CSMD3: variants seen among roughly 807,000 people sequenced by gnomAD.
CSMD3 encodes CUB and sushi domain-containing protein 3.
A neutral mutation model predicts 435.2 loss-of-function variants in CSMD3; 177 were observed. The observed-to-expected ratio is 0.41, with a 90% CI of 0.36 to 0.46. The LOEUF is 0.46. Ranked by LOEUF, CSMD3 falls within the 20% of genes least tolerant of loss-of-function variation. The probability of loss-of-function intolerance (pLI) is 0.34; values close to 1 mark genes in which losing one functional copy is unlikely to be tolerated. For synonymous variants in CSMD3, 1,656 were observed against 1,520.5 expected (o/e 1.09, Z -2.07); for missense variants, 4,265 against 4,504.6 (o/e 0.95, Z 1.52).
intron 22 of CSMD3, among the ~76,000 whole-genome samples, chr8:112,625,441 A>C (rs1178026486): frequency 2.0e-5 from 3 of 152,118 alleles, no homozygotes; most frequent in Non-Finnish European, 2.9e-5. Flanking sequence ...TAGTGATCAG[A>C]TTCAATTGAG....
chr8:113,219,617 T>C (rs2092944361), intron 3 of CSMD3, among the ~76,000 whole-genome samples: 1 of 151,392 alleles, frequency 6.6e-6, no homozygotes, highest in Admixed American at 6.6e-5. Context: ...AAAGGTAAAA[T>C]CATTTTCTGT....
At chr8:112,677,195 C>T (rs2075787582) in intron 16 of CSMD3, among the ~76,000 whole-genome samples, 2 of 151,224 alleles carry the variant, frequency 1.3e-5, no homozygotes, top group Admixed American at 1.3e-4. Context: ...AAGACATGGG[C>T]CCTGGAAAGG....
At chr8:112,750,312 T>C (rs967168500) in intron 13 of CSMD3, among the ~76,000 whole-genome samples, 1 of 151,430 alleles carries the variant, frequency 6.6e-6, no homozygotes. Flanking sequence ...ATTTTATAAG[T>C]ATAATTCCAT....
intron 13 of CSMD3, among the ~76,000 whole-genome samples, chr8:112,710,152 T>A (rs931694362): frequency 1.3e-5 from 2 of 152,154 alleles, no homozygotes; most frequent in Non-Finnish European, 2.9e-5. Context: ...GTTTATTTTT[T>A]CTTCAGATAA....
intron 69 of CSMD3, among the ~76,000 whole-genome samples, chr8:112,230,606 T>C (rs184659230): frequency 2.8e-4 from 42 of 152,174 alleles, no homozygotes; most frequent in African/African-American, 9.4e-4. Context: ...CTGGCCAACA[T>C]GGTGAAGCCC....
chr8:112,780,190 C>T (rs1175486128), intron 13 of CSMD3, among the ~76,000 whole-genome samples: 2 of 151,896 alleles, frequency 1.3e-5, no homozygotes, highest in Non-Finnish European at 2.9e-5. Context: ...ACCCTGGCGC[C>T]ATGTAGAAAC....
chr8:112,999,908 T>C (rs2085800623), intron 6 of CSMD3, among the ~76,000 whole-genome samples: 1 of 151,952 alleles, frequency 6.6e-6, no homozygotes, highest in Non-Finnish European at 1.5e-5. Context: ...GAGGAAGATG[T>C]TAAATTTGAA....
At chr8:113,219,391 C>T (rs985865577) in intron 3 of CSMD3, among the ~76,000 whole-genome samples, 1 of 150,678 alleles carries the variant, frequency 6.6e-6, no homozygotes, top group African/African-American at 2.4e-5. Flanking sequence ...GCAAATAGAA[C>T]ACTAAATGCA....
At chr8:113,308,097 T>C (rs2093836112) in intron 2 of CSMD3, among the ~76,000 whole-genome samples, 1 of 152,032 alleles carries the variant, frequency 6.6e-6, no homozygotes, top group African/African-American at 2.4e-5. Flanking sequence ...TTCTGTTTCA[T>C]ACTTGGGGAA....
intron 7 of CSMD3, among the ~76,000 whole-genome samples, chr8:112,960,910 C>T (rs965044537): frequency 6.6e-6 from 1 of 151,688 alleles, no homozygotes; most frequent in African/African-American, 2.4e-5. Context: ...TGGTTCAGAA[C>T]AGCCAATACA....
intron 32 of CSMD3, among the ~76,000 whole-genome samples, chr8:112,463,933 A>G (rs1319359182): frequency 6.6e-6 from 1 of 152,116 alleles, no homozygotes; most frequent in African/African-American, 2.4e-5. Context: ...GACTCACTAA[A>G]ACCCTATAAA....
intron 13 of CSMD3, among the ~76,000 whole-genome samples, chr8:112,718,736 T>C (rs998476217): frequency 1.4e-4 from 21 of 152,062 alleles, no homozygotes; most frequent in Middle Eastern, 3.2e-3. Context: ...ATCATTTCTG[T>C]TTGCTCTGAG....
intron 1 of CSMD3, among the ~76,000 whole-genome samples, chr8:113,350,555 T>A (rs900629817): frequency 6.6e-6 from 1 of 152,082 alleles, no homozygotes; most frequent in African/African-American, 2.4e-5. Flanking sequence ...TAATGTCACT[T>A]AAAATGATTC....
At chr8:113,247,582 G>A (rs181566985) in intron 3 of CSMD3, among the ~76,000 whole-genome samples, 12 of 152,154 alleles carry the variant, frequency 7.9e-5, no homozygotes, top group East Asian at 3.9e-4. Flanking sequence ...CTGAAAAAAT[G>A]AATTTTGACA....
chr8:112,509,606 T>G (rs1009613031), intron 28 of CSMD3, among the ~76,000 whole-genome samples: 1 of 152,166 alleles, frequency 6.6e-6, no homozygotes, highest in Non-Finnish European at 1.5e-5. Flanking sequence ...AAATTCACCA[T>G]CCTAGTTTCT....
At chr8:113,343,930 ATAAT>A (rs1393215703) in intron 1 of CSMD3, among the ~76,000 whole-genome samples, 3 of 152,158 alleles carry the variant, frequency 2.0e-5, no homozygotes, top group Non-Finnish European at 2.9e-5. Context: ...AGAAATATAA[ATAAT>A]TAGTTGTAAT....
intron 5 of CSMD3, among the ~76,000 whole-genome samples, chr8:113,033,569 A>ATTTTTTTTTTTT (rs1285513451): frequency 5.6e-5 from 6 of 106,802 alleles, no homozygotes; most frequent in Admixed American, 9.3e-5. Context: ...TTTGATTTTG[A>ATTTTTTTTTTTT]TTTTTTTTTT....
intron 1 of CSMD3, among the ~76,000 whole-genome samples, chr8:113,360,625 G>C (rs1040787028): frequency 7.0e-6 from 1 of 142,428 alleles, no homozygotes; most frequent in African/African-American, 2.7e-5. Context: ...CCAGGCTGGA[G>C]TGCAGTGGCG....
At chr8:112,316,878 GAGA>G (rs1432496805) in intron 47 of CSMD3, among the ~76,000 whole-genome samples, 2 of 151,858 alleles carry the variant, frequency 1.3e-5, no homozygotes, top group Non-Finnish European at 2.9e-5. Context: ...AGAGCATCTA[GAGA>G]AGAAGAGAGA....
Sources: allele counts gnomAD v4.1 joint callset (sites outside exome capture counted in the v4.1 genomes callset), GRCh38; gene constraint gnomAD v4.1.1; transcripts MANE v1.5; gene names NCBI Gene and HGNC (gene_info 2026-07-23, HGNC 2026-07-21).